The following LPIN1 variants were observed in gnomAD, a reference collection of about 807,000 sequenced individuals.
The protein encoded by LPIN1 is lipin 1, also known as phosphatidate phosphatase LPIN1.
A neutral mutation model predicts 107.5 loss-of-function variants in LPIN1; 71 were observed. That is an observed-to-expected ratio of 0.66 (90% CI 0.55 to 0.80). The LOEUF (loss-of-function observed/expected upper bound fraction) is 0.80. Among genes scored for constraint, LPIN1 ranks in the 30% least tolerant of loss-of-function variants. The probability of loss-of-function intolerance (pLI) is 0.00; values close to 1 mark genes in which losing one functional copy is unlikely to be tolerated. For missense variants in LPIN1, 1,043 were observed against 1,160.6 expected (o/e 0.90, Z 1.47); for synonymous variants, 445 against 452.6 (o/e 0.98, Z 0.21).
chr2:11,737,069 A>T (rs1665860099), intron 1 of LPIN1, among the ~76,000 whole-genome samples: 1 of 152,214 alleles, frequency 6.6e-6, no homozygotes, highest in African/African-American at 2.4e-5. Flanking sequence ...GTCAGATTAG[A>T]AGTGAGGGTG....
intron 1 of LPIN1, among the ~76,000 whole-genome samples, chr2:11,734,394 T>C (rs954791023): frequency 6.6e-6 from 1 of 152,248 alleles, no homozygotes; most frequent in East Asian, 1.9e-4. Flanking sequence ...CCCTTTTTTA[T>C]AGCCAAGCAA....
chr2:11,776,348 C>T (rs892185522), intron 6 of LPIN1, among the ~76,000 whole-genome samples, 155 bp downstream of exon 6: 1 of 151,628 alleles, frequency 6.6e-6, no homozygotes, highest in Non-Finnish European at 1.5e-5. Context: ...TTTTACAAAT[C>T]GATTTCACTA....
chr2:11,773,539 C>A, intron 4 of LPIN1, 81 bp from the exon 5 acceptor site: 1 of 1,227,724 alleles, frequency 8.1e-7, no homozygotes, highest in Non-Finnish European at 1.2e-6. Flanking sequence ...GCACTTAGAG[C>A]TAATCAAGAA....
At chr2:11,791,016 GT>G (rs1675630264) in intron 12 of LPIN1, among the ~76,000 whole-genome samples, 1 of 152,086 alleles carries the variant, frequency 6.6e-6, no homozygotes, top group African/African-American at 2.4e-5. Context: ...ACATTTATGA[GT>G]GGATTTAGGG....
intron 1 of LPIN1, among the ~76,000 whole-genome samples, chr2:11,696,301 T>C (rs1334658787): frequency 4.0e-5 from 6 of 151,188 alleles, no homozygotes; most frequent in Admixed American, 4.0e-4. Flanking sequence ...TCTGATGGGG[T>C]TGCTGACTCT....
At position 11,824,899 on chromosome 2, in the gene LPIN1, A is replaced by G; in HGVS notation, c.*108A>G. On this transcript the variant is annotated 3_prime_UTR_variant, in exon 21 of 21. Transcript: ENST00000674199. ...CCACCTGGGAGCCTGGCGCGTCATCATTGGCCTGACAGCAGAGAGAATTGA... is the reference window on the plus strand; with the variant it reads ...CCACCTGGGAGCCTGGCGCGTCATCGTTGGCCTGACAGCAGAGAGAATTGA... 1 of 1,281,268 alleles carries G rather than the reference A, an allele frequency of 7.8e-7. No individual in the cohort carries two copies. The highest frequency in any genetic ancestry group is 1.1e-6 in the Non-Finnish European group (1 of 894,036). The allele number at this position is 1,281,268 out of a possible 1,614,324, so 79.4% of individuals were successfully genotyped here.
intron 11 of LPIN1, among the ~76,000 whole-genome samples, chr2:11,787,858 G>A (rs960957562): frequency 2.6e-5 from 4 of 151,666 alleles, no homozygotes; most frequent in Non-Finnish European, 4.4e-5. Flanking sequence ...GGAGAATGGC[G>A]TGAACCTGGG....
intron 1 of LPIN1, among the ~76,000 whole-genome samples, chr2:11,704,586 A>T (rs1364660311): frequency 6.6e-6 from 1 of 152,210 alleles, no homozygotes; most frequent in Non-Finnish European, 1.5e-5. Flanking sequence ...TGGAGTGTCC[A>T]TGAAGTCTGG....
chr2:11,789,456 G>A (rs1031420470), intron 12 of LPIN1, among the ~76,000 whole-genome samples: 1 of 151,786 alleles, frequency 6.6e-6, no homozygotes. Flanking sequence ...ATGTGTATAT[G>A]TGTGGATGTG....
chr2:11,752,513 G>A (rs1667980807), intron 1 of LPIN1, among the ~76,000 whole-genome samples: 1 of 139,548 alleles, frequency 7.2e-6, no homozygotes, highest in African/African-American at 2.9e-5. Context: ...CTCACTGCAA[G>A]CTCCGCCTCC....
At chr2:11,795,348 G>A (rs1676476731) in intron 13 of LPIN1, 60 bp from the exon 14 acceptor site, 1 of 1,401,524 alleles carries the variant, frequency 7.1e-7, no homozygotes, top group Admixed American at 1.7e-5. Flanking sequence ...GAAAACACCG[G>A]CTGTCTGCAA....
At chr2:11,769,267 G>A (rs78190023) in intron 3 of LPIN1, among the ~76,000 whole-genome samples, 5,240 of 152,314 alleles carry the variant, frequency 0.034, 168 homozygotes, top group African/African-American at 0.084. Flanking sequence ...TCTAGTGGGT[G>A]TGAAGTGGTA....
rs1048583670 is a variant in LPIN1 at position 11,819,609 on chromosome 2, G to T, written c.2517+11G>T. ...GGAAACCGACCAGCTGTAAGTAGTAGATTGGGTATAGAAGAACCCTTGAAA... is the reference window on the plus strand; with the variant it reads ...GGAAACCGACCAGCTGTAAGTAGTATATTGGGTATAGAAGAACCCTTGAAA... On this transcript the variant is annotated intron_variant, in intron 19 of 20. Coordinates refer to ENST00000674199, the MANE Select transcript of LPIN1 (RefSeq NM_001349206.2). 1.3e-6 allele frequency: 2 copies of T among 1,592,100 alleles called. No homozygotes were observed. Among genetic ancestry groups the T allele is most frequent in the Non-Finnish European group, 1.7e-6 (2 of 1,159,834 alleles).
intron 17 of LPIN1, among the ~76,000 whole-genome samples, chr2:11,806,003 C>T (rs150700770): frequency 2.6e-4 from 40 of 152,308 alleles, no homozygotes; most frequent in African/African-American, 9.6e-4. Flanking sequence ...TGAAATCTCC[C>T]CCTCCACAGC....
rs751258333 is a variant in LPIN1 at position 11,765,272 on chromosome 2, G to A, written c.-9-261G>A. On this transcript the variant is annotated intron_variant, in intron 1 of 20. Coordinates refer to ENST00000674199, the MANE Select transcript of LPIN1 (RefSeq NM_001349206.2). This position sits in a 1 kb window ranked among gnomAD's most constrained non-coding sequence, Gnocchi z 4.4. Reference sequence around the variant, plus strand: ...GGACCCTGATGGACCCTGATGGGCCGTGATGGACCCTGATGGGCTGTGATG... The same window carrying A: ...GGACCCTGATGGACCCTGATGGGCCATGATGGACCCTGATGGGCTGTGATG... Among the ~76,000 whole-genome samples, 3 of 151,218 alleles carry A rather than the reference G, an allele frequency of 2.0e-5. No individual in the cohort carries two copies. The highest frequency in any genetic ancestry group is 2.9e-5 in the Non-Finnish European group (2 of 67,804).
chr2:11,799,848 C>T (rs1558260716), intron 14 of LPIN1, among the ~76,000 whole-genome samples: 1 of 152,098 alleles, frequency 6.6e-6, no homozygotes. Flanking sequence ...GGTAATGTAG[C>T]CCGAAGTTAC....
upstream of LPIN1, among the ~76,000 whole-genome samples, chr2:11,745,746 C>T (rs1159268283): frequency 6.6e-6 from 1 of 152,204 alleles, no homozygotes; most frequent in Non-Finnish European, 1.5e-5. Flanking sequence ...TAAATAATAC[C>T]TAAACTCCTT....
chr2:11,698,179 G>C (rs1662684428), intron 1 of LPIN1, among the ~76,000 whole-genome samples: 1 of 152,202 alleles, frequency 6.6e-6, no homozygotes, highest in South Asian at 2.1e-4. Flanking sequence ...TTGACGTCAT[G>C]GCAAGCCCTG....
intron 1 of LPIN1, chr2:11,764,093 T>TAC (rs1558838319): frequency 1.9e-4 from 23 of 123,768 alleles, no homozygotes; most frequent in African/African-American, 7.4e-4. Flanking sequence ...TATATATATA[T>TAC]ATATATATAT....
Sources: gnomAD v4.1 joint callset for allele counts (sites outside exome capture counted in the v4.1 genomes callset) on GRCh38, gnomAD v4.1.1 for gene constraint, Gnocchi (gnomAD v3.1) non-coding constraint, MANE v1.5 for transcripts, NCBI Gene and HGNC (gene_info 2026-07-23, HGNC 2026-07-21) for gene names.